SPATA7: variants seen among roughly 807,000 people sequenced by gnomAD.
The protein encoded by SPATA7 is spermatogenesis associated 7, also known as spermatogenesis-associated protein 7.
Under a neutral mutation model 51.8 loss-of-function variants are expected in SPATA7, and 43 were observed. The observed-to-expected ratio is 0.83, with a 90% confidence interval of 0.65 to 1.07. The LOEUF (loss-of-function observed/expected upper bound fraction) is 1.07. Among genes scored for constraint, SPATA7 ranks in the 50% least tolerant of loss-of-function variants. The pLI, the probability that SPATA7 is intolerant of heterozygous loss-of-function variation, is 0.00. For synonymous variants in SPATA7, 230 were observed against 252.8 expected (o/e 0.91, Z 0.86); for missense variants, 683 against 701.3 (o/e 0.97, Z 0.30).
intron 5 of SPATA7, among the ~76,000 whole-genome samples, chr14:88,424,658 G>C (rs2139990796): frequency 6.6e-6 from 1 of 152,052 alleles, no homozygotes; most frequent in Middle Eastern, 3.4e-3. Context: ...TTTCTTCTTT[G>C]AGAGCTAAAC....
chr14:88,446,867 G>A (rs1223290622), intron 3 of SPATA7, among the ~76,000 whole-genome samples: 3 of 152,032 alleles, frequency 2.0e-5, no homozygotes, highest in Admixed American at 2.0e-4. Flanking sequence ...TATAATTTCT[G>A]TTCTTTTACA....
chr14:88,414,023 T>G (rs992456763), intron 4 of SPATA7, among the ~76,000 whole-genome samples: 4 of 152,108 alleles, frequency 2.6e-5, no homozygotes, highest in African/African-American at 9.7e-5. Context: ...GTTTTTGGTG[T>G]GTCTTTACCA....
intron 4 of SPATA7, among the ~76,000 whole-genome samples, chr14:88,400,940 C>T (rs1353411153): frequency 6.6e-6 from 1 of 152,114 alleles, no homozygotes; most frequent in Non-Finnish European, 1.5e-5. Flanking sequence ...AGGATAGCAC[C>T]AGTCCTTCTT....
At chr14:88,446,082 T>C (rs1434885228) in intron 3 of SPATA7, among the ~76,000 whole-genome samples, 1 of 152,238 alleles carries the variant, frequency 6.6e-6, no homozygotes, top group Non-Finnish European at 1.5e-5. Context: ...TCCTTGTACC[T>C]CTGGTAGAAT....
At chr14:88,433,259 A>ATTC (rs752507820) in intron 10 of SPATA7, 47 bp downstream of exon 10, 3 of 1,285,760 alleles carry the variant, frequency 2.3e-6, no homozygotes, top group South Asian at 2.5e-5. Context: ...TACATTAAAT[A>ATTC]TTCTTCATAT....
chr14:88,386,067 C>G (rs1312674546), intron 1 of SPATA7: 1 of 1,419,168 alleles, frequency 7.0e-7, no homozygotes, highest in Non-Finnish European at 9.2e-7. Flanking sequence ...CGCCCTGACA[C>G]CAGGGGCCCC....
At chr14:88,390,777 T>G (rs1368989699) in intron 1 of SPATA7, among the ~76,000 whole-genome samples, 1 of 152,168 alleles carries the variant, frequency 6.6e-6, no homozygotes, top group East Asian at 1.9e-4. Context: ...TCTGAGAGTT[T>G]GTTGGTATTT....
At chr14:88,470,174 CTG>C in exon 5 of SPATA7, 1 of 822,672 alleles carries the variant, frequency 1.2e-6, no homozygotes, top group East Asian at 2.7e-5. Context: ...AAGTAGTAAA[CTG>C]GATTATTCAG....
chr14:88,450,463 C>T (rs1460436447), intron 3 of SPATA7, among the ~76,000 whole-genome samples: 2 of 151,954 alleles, frequency 1.3e-5, no homozygotes, highest in Admixed American at 6.6e-5. Flanking sequence ...AGATTTAGAG[C>T]TCCTTTTAGC....
In SPATA7 at chr14:88,454,053, C is replaced by T. The variant is rs536379049; in HGVS notation, c.178-1007C>T. Among the ~76,000 whole-genome samples, 8 of 152,196 alleles carry T rather than the reference C, an allele frequency of 5.3e-5. No homozygotes were observed. The East Asian group carries it at 9.6e-4, about 18-fold the overall frequency. On this transcript the variant is annotated intron_variant, in intron 3 of 3. Transcript: ENST00000554802. ...ACCCAACAAACCCTCAAGTTTCTCC[C>T]GAGAGAAAGAATATACCATTGTATA...
intron 1 of SPATA7, chr14:88,386,131 A>G (rs2075568658): frequency 9.6e-7 from 1 of 1,046,380 alleles, no homozygotes; most frequent in African/African-American, 1.6e-5. Flanking sequence ...GCTCCCAGGC[A>G]GAGGAACCAG....
chr14:88,434,183 T>C (rs1056536190), intron 10 of SPATA7, among the ~76,000 whole-genome samples: 1 of 152,206 alleles, frequency 6.6e-6, no homozygotes, highest in African/African-American at 2.4e-5. Context: ...TAAAATTTTA[T>C]GTTTTTCTCA....
At position 88,426,465 on chromosome 14, in the gene SPATA7, G is replaced by T; in HGVS notation, c.606G>T (p.Arg202Ser). ...GCTCTGGAGCCCTGTATGGCAGAAG[G>T]CCCAGAAGCACATTCCCAAATTCCC... ...KLSSGALYGRRPRSTFPNSHR... is the reference protein window; with the variant it reads ...KLSSGALYGRSPRSTFPNSHR... The change falls in exon 6 of 12, where the codon AGG becomes AGT. Residue 202 changes from arginine to serine, a missense_variant. Physicochemically the swap from Arg to Ser is moderately radical, Grantham distance 110. Coordinates refer to ENST00000393545, the MANE Select transcript of SPATA7 (RefSeq NM_018418.5). 6.2e-7 allele frequency: 1 copy of T among 1,614,096 alleles called. No homozygotes were observed. Among genetic ancestry groups the T allele is most frequent in the Non-Finnish European group, 8.5e-7 (1 of 1,180,018 alleles).
At position 88,396,192 on chromosome 14, in the gene SPATA7, C is replaced by T; in HGVS notation, c.227C>T (p.Thr76Ile). The change falls in exon 4 of 12, where the codon ACC (threonine) becomes ATC (isoleucine). Residue 76 changes from threonine to isoleucine, a missense_variant. By Grantham distance (89) the Thr-to-Ile change is moderately conservative. Transcript: ENST00000393545. ...TGCTCGGTTCCAGTAAGCGTGAGTA[C>T]CAGCATAAAGTGTAAGTAATTTTTG... is the stretch of plus-strand genomic sequence containing the variant. ...VDCSVPVSVSTSIKYADQQRR... is the reference protein window; with the variant it reads ...VDCSVPVSVSISIKYADQQRR... The T allele has an allele frequency of 6.2e-7, 1 of 1,608,700 alleles. No individual in the cohort carries two copies. The highest frequency in any genetic ancestry group is 8.5e-7 in the Non-Finnish European group (1 of 1,176,796).
chr14:88,426,130 TG>T, intron 5 of SPATA7, 101 bp from the exon 6 acceptor site: 2 of 826,908 alleles, frequency 2.4e-6, no homozygotes, highest in Non-Finnish European at 4.1e-6. Context: ...CAGTTAATTT[TG>T]TAAACCCTTG....
intron 4 of SPATA7, chr14:88,415,095 A>C (rs1335651022): frequency 5.7e-6 from 1 of 175,888 alleles, no homozygotes; most frequent in African/African-American, 2.4e-5. Flanking sequence ...TGTCAAATTT[A>C]AATCCAGAAT....
intron 5 of SPATA7, among the ~76,000 whole-genome samples, chr14:88,419,153 A>C (rs1435460925): frequency 6.6e-6 from 1 of 152,108 alleles, no homozygotes; most frequent in Non-Finnish European, 1.5e-5. Flanking sequence ...AATCTTCCAC[A>C]TACTTACATA....
At chr14:88,421,770 G>A (rs998656551) in intron 5 of SPATA7, among the ~76,000 whole-genome samples, 2 of 152,058 alleles carry the variant, frequency 1.3e-5, no homozygotes, top group African/African-American at 4.8e-5. Context: ...CCAATATGGT[G>A]AAACCCTGTC....
At chr14:88,447,386 G>T (rs372922056) in intron 3 of SPATA7, among the ~76,000 whole-genome samples, 2 of 150,724 alleles carry the variant, frequency 1.3e-5, no homozygotes, top group African/African-American at 2.5e-5. Context: ...GTCTCTGCAC[G>T]TGAGATGGGT....
Sources: allele counts gnomAD v4.1 joint callset (sites outside exome capture counted in the v4.1 genomes callset), GRCh38; gene constraint gnomAD v4.1.1; transcripts MANE v1.5; gene names NCBI Gene and HGNC (gene_info 2026-07-23, HGNC 2026-07-21).